TCF7L1: variants seen among roughly 807,000 people sequenced by gnomAD.
The protein encoded by TCF7L1 is transcription factor 7 like 1.
Under a neutral mutation model 63.7 loss-of-function variants are expected in TCF7L1, and 18 were observed. The ratio of observed to expected loss-of-function variants is 0.28; its 90% CI spans 0.20 to 0.42. The LOEUF (loss-of-function observed/expected upper bound fraction) is 0.42, where lower values mean the gene tolerates loss of function less well. Among genes scored for constraint, TCF7L1 ranks in the 10% least tolerant of loss-of-function variants. The pLI is 1.00. For missense variants in TCF7L1, 654 were observed against 779.3 expected (o/e 0.84, Z 1.91); for synonymous variants, 355 against 340.9 (o/e 1.04, Z -0.46).
chr2:85,144,731 GTGTGTGTGTGTGTGTGTGTA>G (rs1169622103), intron 3 of TCF7L1, among the ~76,000 whole-genome samples: 2 of 146,908 alleles, frequency 1.4e-5, no homozygotes, highest in Admixed American at 1.3e-4. Flanking sequence ...GTGTGTGTGT[GTGTGTGTGTGTGTGTGTGTA>G]TGTGTGTGTG....
In TCF7L1 at chr2:85,134,141, G is replaced by A. The variant is rs953766641; in HGVS notation, c.313+62G>A. 3.8e-6 allele frequency: 6 copies of A among 1,579,926 alleles called. No homozygotes were observed. In the African/African-American group the frequency reaches 6.8e-5, roughly 18 times the overall value. ...CCCGCTGCGCTCCGCTGCTCAGCCC[G>A]GGCGGCCCACCGTCCCCCTTGCTTG... On this transcript the variant is annotated intron_variant, in intron 2 of 11. Transcript: ENST00000282111. This position sits in a 1 kb window ranked among gnomAD's most constrained non-coding sequence, Gnocchi z 5.0.
chr2:85,278,007 G>A (rs1007460342), intron 3 of TCF7L1, among the ~76,000 whole-genome samples: 3 of 152,144 alleles, frequency 2.0e-5, no homozygotes, highest in Admixed American at 6.5e-5. Context: ...CTCTGTACAG[G>A]GCATGCTGGG....
chr2:85,248,512 T>C (rs1165027784), intron 3 of TCF7L1, among the ~76,000 whole-genome samples: 2 of 152,144 alleles, frequency 1.3e-5, no homozygotes, highest in Non-Finnish European at 2.9e-5. Flanking sequence ...CCATGGGCCC[T>C]GGGTTTTGCT....
rs111374360 is a variant in TCF7L1 at position 85,160,347 on chromosome 2, C to T, written c.441+25897C>T. Among the ~76,000 whole-genome samples the T allele has an allele frequency of 5.3e-3, 804 of 152,248 alleles. 5 individuals are homozygous for T. Among genetic ancestry groups the T allele is most frequent in the African/African-American group, 0.018 (769 of 41,574 alleles). On this transcript the variant is annotated intron_variant, in intron 3 of 11. Transcript: ENST00000282111. ...ATCACCTCCACTCTCCTGTAGCCTCCCATCTTCCTTGGGATCACAGGCATG... is the reference window on the plus strand; with the variant it reads ...ATCACCTCCACTCTCCTGTAGCCTCTCATCTTCCTTGGGATCACAGGCATG...
At chr2:85,305,809 G>T (rs1046746390) in intron 8 of TCF7L1, among the ~76,000 whole-genome samples, 1 of 152,134 alleles carries the variant, frequency 6.6e-6, no homozygotes, top group Admixed American at 6.5e-5. Flanking sequence ...GTACCATAAA[G>T]ATGGCAGGAA....
intron 3 of TCF7L1, among the ~76,000 whole-genome samples, chr2:85,252,563 A>G (rs1001581466): frequency 4.6e-5 from 7 of 152,236 alleles, no homozygotes; most frequent in Non-Finnish European, 1.0e-4. Flanking sequence ...CCAGGAGAGT[A>G]GCAAAGCCAA....
At chr2:85,239,507 C>T (rs1379489283) in intron 3 of TCF7L1, among the ~76,000 whole-genome samples, 1 of 152,222 alleles carries the variant, frequency 6.6e-6, no homozygotes, top group African/African-American at 2.4e-5. Flanking sequence ...TGCCCCCAAA[C>T]GCAGTGGGAG....
At chr2:85,145,756 C>T (rs1226701757) in intron 3 of TCF7L1, among the ~76,000 whole-genome samples, 2 of 152,256 alleles carry the variant, frequency 1.3e-5, no homozygotes, top group African/African-American at 4.8e-5. Context: ...TCCAGCTGCA[C>T]TCTACAGTGG....
chr2:85,159,415 C>G (rs1165295411), intron 3 of TCF7L1, among the ~76,000 whole-genome samples: 1 of 152,218 alleles, frequency 6.6e-6, no homozygotes, highest in Non-Finnish European at 1.5e-5. Context: ...TGTGCAGGCA[C>G]TGTCCTCTTT....
Position 85,309,306 on chromosome 2 carries a change from C to T in TCF7L1, c.1611C>T (p.Ser537=). Reference sequence around the variant, plus strand: ...CCTCCTCCTCTGGGCAGATGGGCAGCCAGCCTCCCCTCCTGTCCCGGCCCC... The same window carrying T: ...CCTCCTCCTCTGGGCAGATGGGCAGTCAGCCTCCCCTCCTGTCCCGGCCCC... The part of the protein sequence containing the change: ...AAASSSGQMG[S]QPPLLSRPLP... Residue 537 remains serine, a synonymous_variant, in exon 12 of 12, where the codon AGC becomes AGT. Transcript: ENST00000282111. 3 of 1,613,468 alleles carry T rather than the reference C, an allele frequency of 1.9e-6. No homozygotes were observed. Among genetic ancestry groups the T allele is most frequent in the Non-Finnish European group, 2.5e-6 (3 of 1,179,914 alleles).
chr2:85,304,135 G>A (rs759071129), intron 6 of TCF7L1, 120 bp from the exon 7 acceptor site: 52 of 1,253,638 alleles, frequency 4.1e-5, no homozygotes, highest in South Asian at 3.1e-4. Context: ...CCCAGGCAGC[G>A]TGCTCCCAGC....
chr2:85,220,514 C>T (rs1034495950), intron 3 of TCF7L1, among the ~76,000 whole-genome samples: 22 of 151,974 alleles, frequency 1.4e-4, no homozygotes, highest in East Asian at 1.9e-4. Context: ...TACAGGCACG[C>T]GCCTCCATGC....
chr2:85,198,985 G>GT (rs144840735), intron 3 of TCF7L1, among the ~76,000 whole-genome samples: 3,648 of 152,256 alleles, frequency 0.024, 151 homozygotes, highest in African/African-American at 0.083. Context: ...AAGAAAAAAG[G>GT]TTTTTTGTGG....
chr2:85,149,901 A>C (rs1419095376), intron 3 of TCF7L1, among the ~76,000 whole-genome samples: 1 of 152,198 alleles, frequency 6.6e-6, no homozygotes, highest in African/African-American at 2.4e-5. Flanking sequence ...ATAATTTGTT[A>C]GATTGCATCT....
At chr2:85,232,003 A>T (rs2104313549) in intron 3 of TCF7L1, among the ~76,000 whole-genome samples, 1 of 152,220 alleles carries the variant, frequency 6.6e-6, no homozygotes, top group East Asian at 1.9e-4. Flanking sequence ...AGGACTTCGG[A>T]TGGTGCCTGG....
Position 85,216,293 on chromosome 2 carries a change from T to G in TCF7L1, c.442-67202T>G, listed in dbSNP as rs182607409. The stretch of plus-strand genomic sequence containing the variant: ...CCCCCATCCCCCACCCTGCATTACT[T>G]GACTGGTGAGGAAATAATAGTTGGG... On this transcript the variant is annotated intron_variant, in intron 3 of 11. Transcript: ENST00000282111. 9.2e-5 allele frequency among the ~76,000 whole-genome samples: 14 copies of G among 152,230 alleles called. No homozygotes were observed. In the East Asian group the frequency reaches 2.5e-3, roughly 27 times the overall value.
intron 3 of TCF7L1, among the ~76,000 whole-genome samples, chr2:85,162,684 G>A (rs769783543): frequency 4.6e-5 from 7 of 152,076 alleles, no homozygotes; most frequent in Non-Finnish European, 8.8e-5. Context: ...AGCCTCTGCC[G>A]CAGGGACACT....
chr2:85,176,002 A>G (rs578203931), intron 3 of TCF7L1, among the ~76,000 whole-genome samples: 1 of 152,348 alleles, frequency 6.6e-6, no homozygotes, highest in Admixed American at 6.5e-5. Context: ...GTGAAGACAG[A>G]CTTCCTTCTG....
At chr2:85,161,582 AC>A (rs1201314184) in intron 3 of TCF7L1, among the ~76,000 whole-genome samples, 1 of 152,180 alleles carries the variant, frequency 6.6e-6, no homozygotes, top group Non-Finnish European at 1.5e-5. Context: ...GGATGAACTC[AC>A]CCCTGCGGTG....
Sources: gnomAD v4.1 joint callset for allele counts (sites outside exome capture counted in the v4.1 genomes callset) on GRCh38, gnomAD v4.1.1 for gene constraint, Gnocchi (gnomAD v3.1) non-coding constraint, MANE v1.5 for transcripts, NCBI Gene and HGNC (gene_info 2026-07-23, HGNC 2026-07-21) for gene names.